The following KANSL3 variants were observed in gnomAD, a reference collection of about 807,000 sequenced individuals.
KANSL3 encodes NSL complex protein NSL3.
Under a neutral mutation model 89.2 loss-of-function variants are expected in KANSL3, and 16 were observed. That is an observed-to-expected ratio of 0.18 (90% CI 0.12 to 0.27). The LOEUF (loss-of-function observed/expected upper bound fraction) is 0.27. KANSL3 is among the 10% of genes least tolerant of loss of function. KANSL3 has a pLI of 1.00. For missense variants in KANSL3, 879 were observed against 1,110.6 expected (o/e 0.79, Z 2.96); for synonymous variants, 385 against 419.7 (o/e 0.92, Z 1.01).
rs182344915 is a variant in KANSL3 at position 96,626,848 on chromosome 2, G to A, written c.386+4464C>T. Among the ~76,000 whole-genome samples the A allele has an allele frequency of 6.6e-4, 101 of 152,252 alleles. 1 individual carries two copies. Among genetic ancestry groups the A allele is most frequent in the Middle Eastern group, 3.4e-3 (1 of 294 alleles). On this transcript the variant is annotated intron_variant, in intron 3 of 20. Transcript: ENST00000431828. ...AAGCTCACTTTTTCTATAAGAGGCC[G>A]GACAGAAAATGTTTTAGGGTTTCCA...
intron 5 of KANSL3, chr2:96,615,445 G>A (rs1178900990): frequency 3.9e-6 from 4 of 1,024,660 alleles, no homozygotes; most frequent in Non-Finnish European, 4.0e-6. Flanking sequence ...CCAGAAATGT[G>A]ACATTACAGA....
chr2:96,631,316 T>C lies in KANSL3; in HGVS notation c.382A>G (p.Asn128Asp). 6.2e-7 allele frequency: 1 copy of C among 1,611,024 alleles called. No individual in the cohort carries two copies. The highest frequency in any genetic ancestry group is 8.5e-7 in the Non-Finnish European group (1 of 1,177,416). The change falls in exon 3 of 21, where the codon AAC becomes GAC. Residue 128 changes from asparagine (N) to aspartate (D), a missense_variant. Physicochemically the swap from Asn to Asp is conservative, Grantham distance 23. Transcript: ENST00000431828. ...TCCTCCTGATGAGCAGCCTACCTGT[T>C]GACATGCTCCTCCCAGTCCTCTGGT... ...PPPEDWEEHV[N>D]RTGWTMAQNK... is the part of the protein sequence containing the mutation.
rs1236841478 is a variant in KANSL3, at chr2:96,619,865, G to C, written c.387-103C>G. On this transcript the variant is annotated intron_variant, in intron 3 of 20. Transcript: ENST00000431828. The stretch of plus-strand genomic sequence containing the variant: ...ATGCCATAGTTTTATGTCTCTGCTA[G>C]GGAACAGTAAAACGAAGTAGCTTAG... 3 of 937,030 alleles carry C rather than the reference G, an allele frequency of 3.2e-6. No homozygotes were observed. The Admixed American group carries it at 7.8e-5, about 24-fold the overall frequency. The allele number at this position is 937,030 out of a possible 1,614,324, so 58.0% of individuals were successfully genotyped here.
intron 5 of KANSL3, among the ~76,000 whole-genome samples, chr2:96,618,443 G>C (rs756938981): frequency 2.6e-5 from 4 of 152,220 alleles, no homozygotes; most frequent in Non-Finnish European, 4.4e-5. Context: ...TCCTGCCTCA[G>C]CCTCCCGAAG....
intron 2 of KANSL3, among the ~76,000 whole-genome samples, chr2:96,634,424 G>A (rs2073953441): frequency 6.6e-6 from 1 of 152,016 alleles, no homozygotes. Context: ...GCTGAGGCAG[G>A]AGAATTGCTT....
rs1016234383 is a variant in KANSL3 at position 96,637,271 on chromosome 2, C to T, written c.-50-86G>A. On this transcript the variant is annotated intron_variant, in intron 1 of 20. Coordinates refer to ENST00000431828, the MANE Select transcript of KANSL3 (RefSeq NM_001115016.3). The stretch of plus-strand genomic sequence containing the variant: ...CCATCTAACATGCTTACTTTTGTAA[C>T]CTACTATCATTCCTATTGAGTATCC... 8.1e-6 allele frequency: 5 copies of T among 620,748 alleles called. No individual in the cohort carries two copies. The African/African-American group carries it at 9.2e-5, about 11-fold the overall frequency. 38.5% of individuals were successfully genotyped at this position (620,748 alleles called of 1,614,324 possible). A position where few individuals can be genotyped will look rare whatever the true frequency, so the allele number is the denominator to read the frequency against.
rs550660452 is a variant in KANSL3, at chr2:96,602,287, T to A, written c.2311A>T (p.Thr771Ser). 18 of 1,612,430 alleles carry A rather than the reference T, an allele frequency of 1.1e-5. 1 individual carries two copies. In the South Asian group the frequency reaches 1.8e-4, roughly 16 times the overall value. The change falls in exon 19 of 21, where the codon ACG becomes TCG. Residue 771 changes from threonine (T) to serine (S), a missense_variant. Coordinates refer to ENST00000431828, the MANE Select transcript of KANSL3 (RefSeq NM_001115016.3). ...TPMQSLGAITTGTSTIVRTIP... is the reference protein window; with the variant it reads ...TPMQSLGAITSGTSTIVRTIP... ...GTACGGACAATGGTGCTGGTGCCCGTGGTGATGGCACCCAGGCTCTGCATG... is the reference window on the plus strand; with the variant it reads ...GTACGGACAATGGTGCTGGTGCCCGAGGTGATGGCACCCAGGCTCTGCATG...
rs1414476602 is a variant in KANSL3 at position 96,637,080 on chromosome 2, G to T, written c.56C>A (p.Thr19Asn). The change falls in exon 2 of 21, where the codon ACC (threonine) becomes AAC (asparagine). Residue 19 changes from threonine to asparagine, a missense_variant. This residue lies in a region of KANSL3 where 210 missense variants were observed against 311.9 expected (regional missense o/e 0.67). Transcript: ENST00000431828. ...DFQTSARRMG[T>N]SLLFQLSVHE... ...CACTGAAAGCTGGAAGAGCAGCGAG[G>T]TGCCCATGCGTCGAGCTGAAGTCTG... 1 of 1,551,564 alleles carries T rather than the reference G, an allele frequency of 6.4e-7. No individual in the cohort carries two copies. Among genetic ancestry groups the T allele is most frequent in the Non-Finnish European group, 8.7e-7 (1 of 1,146,998 alleles).
chr2:96,592,381 G>C (rs1427699718), downstream of KANSL3, among the ~76,000 whole-genome samples: 2 of 152,180 alleles, frequency 1.3e-5, no homozygotes, highest in East Asian at 1.9e-4. Context: ...ATTGGCGGTG[G>C]GTGGAGGTAT....
At chr2:96,595,886 C>T (rs1047738565) in intron 20 of KANSL3, among the ~76,000 whole-genome samples, 1 of 152,190 alleles carries the variant, frequency 6.6e-6, no homozygotes, top group Non-Finnish European at 1.5e-5. Context: ...CTTTTCCTCG[C>T]CTGTAAGAGG....
In KANSL3 at chr2:96,604,275, G is replaced by A; in HGVS notation, c.2124C>T (p.Ala708=). 17 of 1,610,386 alleles carry A rather than the reference G, an allele frequency of 1.1e-5. No homozygotes were observed. Among genetic ancestry groups the A allele is most frequent in the Non-Finnish European group, 1.4e-5 (16 of 1,178,558 alleles). The change falls in exon 17 of 21, where the codon GCC becomes GCT. Residue 708 remains alanine, a synonymous_variant. Transcript: ENST00000431828. ...ALHTLQSRLV[A]TSPGSSLPGA... ...CTGGGAGGGAGCTGCCAGGAGATGTGGCCACCAGGCGGCTCTGCAGTGTGT... is the reference window on the plus strand; with the variant it reads ...CTGGGAGGGAGCTGCCAGGAGATGTAGCCACCAGGCGGCTCTGCAGTGTGT...
intron 5 of KANSL3, among the ~76,000 whole-genome samples, chr2:96,618,824 C>T (rs749284782): frequency 3.3e-5 from 5 of 152,190 alleles, no homozygotes; most frequent in African/African-American, 4.8e-5. Context: ...ACTGGAATCA[C>T]CAAGAAAAAC....
chr2:96,611,903 A>ATATATGTGTGTG (rs376030964), intron 9 of KANSL3, among the ~76,000 whole-genome samples: 54 of 113,328 alleles, frequency 4.8e-4, no homozygotes, highest in Admixed American at 4.7e-3. Context: ...ATATACCCAT[A>ATATATGTGTGTG]TGTGTGTGTG....
In KANSL3 at chr2:96,613,583, T is replaced by C. The variant is rs1451616141; in HGVS notation, c.700A>G (p.Asn234Asp). Residue 234 changes from asparagine to aspartate, a missense_variant, in exon 6 of 21, where the codon AAC becomes GAC. Physicochemically the swap from Asn to Asp is conservative, Grantham distance 23. Transcript: ENST00000431828. ...GCTCCTGCAGCCCCAGTCTTTGTGT[T>C]GGATGACACAAGCATCCGGTCAATC... ...TLIDRMLVSS[N>D]TKTGAAGAEA... 1 of 1,613,234 alleles carries C rather than the reference T, an allele frequency of 6.2e-7. No homozygotes were observed. The highest frequency in any genetic ancestry group is 8.5e-7 in the Non-Finnish European group (1 of 1,179,540).
chr2:96,619,211 CCT>C (rs763301893), intron 5 of KANSL3, 146 bp downstream of exon 5: 71 of 658,108 alleles, frequency 1.1e-4, no homozygotes, highest in Non-Finnish European at 7.8e-5. Flanking sequence ...GAAATGATAC[CCT>C]GTCTCCCAAT....
chr2:96,584,492 T>C, the KANSL3 span, among the ~76,000 whole-genome samples: 1 of 152,230 alleles, frequency 6.6e-6, no homozygotes, highest in South Asian at 2.1e-4. Flanking sequence ...TTTCTAGGAA[T>C]TTGAAAATCT....
intron 7 of KANSL3, 64 bp downstream of exon 7, chr2:96,612,754 T>C: frequency 7.4e-7 from 1 of 1,360,008 alleles, no homozygotes; most frequent in Non-Finnish European, 1.0e-6. Flanking sequence ...CACATATTCT[T>C]CTCCTCAATC....
the KANSL3 span, among the ~76,000 whole-genome samples, chr2:96,581,297 G>A: frequency 6.6e-5 from 10 of 152,078 alleles, no homozygotes; most frequent in African/African-American, 2.2e-4. Flanking sequence ...GGTGGCACAT[G>A]CCTGTAATCC....
At position 96,605,368 on chromosome 2, in the gene KANSL3, C is replaced by T; in HGVS notation, c.1885G>A (p.Asp629Asn). 3 of 1,613,770 alleles carry T rather than the reference C, an allele frequency of 1.9e-6. No homozygotes were observed. The highest frequency in any genetic ancestry group is 2.5e-6 in the Non-Finnish European group (3 of 1,179,872). ...KIKVSLISQG[D>N]TAGGPCAPSQ... ...GGAGCACAAGGCCCTCCAGCTGTGT[C>T]CCCTTGGGAGATAAGGGACACCTTG... Residue 629 changes from aspartate (D) to asparagine (N), a missense_variant, in exon 15 of 21, where the codon GAC becomes AAC. Around this residue, in one of 6 missense-constraint regions of KANSL3, gnomAD observed 317 missense variants for 311.2 expected, o/e 1.02. Transcript: ENST00000431828.
Sources: allele counts gnomAD v4.1 joint callset (sites outside exome capture counted in the v4.1 genomes callset), GRCh38; gene constraint gnomAD v4.1.1; regional missense constraint gnomAD v4.1.1; transcripts MANE v1.5; gene names NCBI Gene and HGNC (gene_info 2026-07-23, HGNC 2026-07-21).